Variants in OXR1 observed in about 807,000 individuals in gnomAD.
OXR1 encodes the protein oxidation resistance protein 1.
Under a neutral mutation model 104.6 loss-of-function variants are expected in OXR1, and 41 were observed. The ratio of observed to expected loss-of-function variants is 0.39; its 90% CI spans 0.31 to 0.51. OXR1 has a LOEUF of 0.51. Ranked by LOEUF, OXR1 falls within the 20% of genes least tolerant of loss-of-function variation. The pLI, the probability that OXR1 is intolerant of heterozygous loss-of-function variation, is 0.77. For synonymous variants in OXR1, 348 were observed against 348.4 expected (o/e 1.00, Z 0.01); for missense variants, 955 against 1,031.9 (o/e 0.93, Z 1.02).
Position 106,559,641 on chromosome 8 carries a change from C to T in OXR1, c.220+40502C>T, listed in dbSNP as rs1318920132. The stretch of plus-strand genomic sequence containing the variant: ...TACTAGAGGCTGAGAAGTCCAAGAT[C>T]ATAGCACCAGCAGACTTGATATCTG... On this transcript the variant is annotated intron_variant, in intron 3 of 16. Transcript: ENST00000517566. Among the ~76,000 whole-genome samples the T allele has an allele frequency of 3.9e-5, 6 of 152,196 alleles. No individual in the cohort carries two copies. In the East Asian group the frequency reaches 1.2e-3, roughly 29 times the overall value.
chr8:106,682,240 A>G (rs1007793787), intron 4 of OXR1, among the ~76,000 whole-genome samples: 27 of 130,776 alleles, frequency 2.1e-4, no homozygotes, highest in African/African-American at 6.8e-4. Flanking sequence ...AGTTGCACTT[A>G]TTTGTGTTTT....
At chr8:106,362,212 A>G (rs1164540331) in intron 2 of OXR1, among the ~76,000 whole-genome samples, 5 of 152,204 alleles carry the variant, frequency 3.3e-5, no homozygotes, top group Non-Finnish European at 7.3e-5. Context: ...CTTCTAGTCA[A>G]AACTTCCTGC....
intron 2 of OXR1, among the ~76,000 whole-genome samples, chr8:106,483,838 C>A (rs1038189515): frequency 6.6e-6 from 1 of 151,972 alleles, no homozygotes; most frequent in Admixed American, 6.6e-5. Context: ...CCCCAGATAA[C>A]CTTGCTGAAA....
chr8:106,707,096 A>T lies in OXR1; in HGVS notation c.1575A>T (p.Ser525=), dbSNP rs753379151. Residue 525 remains serine (S), a synonymous_variant, in exon 9 of 17, where the codon TCA becomes TCT. Transcript: ENST00000517566. The part of the protein sequence containing the change: ...KQQRENIQQV[S]QKEAKHKITS... Reference sequence around the variant, plus strand: ...AAAGGGAAAATATTCAACAAGTGTCACAAAAAGAAGCTAAGCATAAAATTA... The same window carrying T: ...AAAGGGAAAATATTCAACAAGTGTCTCAAAAAGAAGCTAAGCATAAAATTA... 6.2e-7 allele frequency: 1 copy of T among 1,613,994 alleles called. No individual in the cohort carries two copies. The highest frequency in any genetic ancestry group is 8.5e-7 in the Non-Finnish European group (1 of 1,179,914).
At chr8:106,355,314 A>G (rs1815917148) in intron 1 of OXR1, among the ~76,000 whole-genome samples, 1 of 152,156 alleles carries the variant, frequency 6.6e-6, no homozygotes, top group Admixed American at 6.5e-5. Flanking sequence ...ATTATGAATC[A>G]CCAAAATGAA....
At chr8:106,684,100 T>A (rs1828455230) in intron 5 of OXR1, 146 bp from the exon 6 acceptor site, 3 of 539,860 alleles carry the variant, frequency 5.6e-6, no homozygotes, top group East Asian at 3.0e-5. Flanking sequence ...GGTTCTTTTT[T>A]AAAAATGTTT....
At chr8:106,584,058 C>G (rs58179764) in intron 3 of OXR1, among the ~76,000 whole-genome samples, 1 of 151,722 alleles carries the variant, frequency 6.6e-6, no homozygotes, top group Non-Finnish European at 1.5e-5. Flanking sequence ...TTAGCATTCT[C>G]AAAAGGATAA....
intron 2 of OXR1, among the ~76,000 whole-genome samples, chr8:106,422,046 G>T (rs890734255): frequency 3.3e-5 from 5 of 152,060 alleles, no homozygotes; most frequent in African/African-American, 1.2e-4. Context: ...TTTTAAGGGG[G>T]TTCATTATCA....
Position 106,298,328 on chromosome 8 carries a change from T to G in OXR1, c.-139+27961T>G, listed in dbSNP as rs1232919948. Among the ~76,000 whole-genome samples, 4 of 152,274 alleles carry G rather than the reference T, an allele frequency of 2.6e-5. No homozygotes were observed. In the South Asian group the frequency reaches 8.3e-4, roughly 32 times the overall value. On this transcript the variant is annotated intron_variant, in intron 1 of 16. Transcript: ENST00000517566. ...AGGATGAGCAAAGGCACATCTTACA[T>G]GGAGGCAGGCAAGAGAACGTGTGCC...
chr8:106,373,307 C>T (rs948537411), intron 2 of OXR1, among the ~76,000 whole-genome samples: 1 of 152,162 alleles, frequency 6.6e-6, no homozygotes, highest in Non-Finnish European at 1.5e-5. Context: ...AATCCCCTCC[C>T]TTTCCCATAA....
At chr8:106,695,689 G>T (rs1829949902) in intron 7 of OXR1, among the ~76,000 whole-genome samples, 1 of 151,976 alleles carries the variant, frequency 6.6e-6, no homozygotes, top group Non-Finnish European at 1.5e-5. Context: ...AAGTGCTGGG[G>T]TTACAGGCGT....
intron 11 of OXR1, among the ~76,000 whole-genome samples, chr8:106,715,665 G>A (rs1302383837): frequency 6.6e-6 from 1 of 152,060 alleles, no homozygotes; most frequent in Admixed American, 6.6e-5. Flanking sequence ...GTTATCTCCA[G>A]CTTGGGTGGC....
At position 106,692,943 on chromosome 8, in the gene OXR1, T is replaced by G. The variant is rs961877430; in HGVS notation, c.675+66T>G. ...TAGTTATTACTAATGTATGATAGTT[T>G]GGCATTTACATTTTAAGTCATCAAT... On this transcript the variant is annotated intron_variant, in intron 7 of 16. Transcript: ENST00000517566. 8.6e-6 allele frequency: 10 copies of G among 1,156,998 alleles called. No individual in the cohort carries two copies. In the African/African-American group the frequency reaches 1.4e-4, roughly 16 times the overall value. 71.7% of individuals were successfully genotyped at this position (1,156,998 alleles called of 1,614,324 possible).
chr8:106,384,079 C>T (rs1817269166), intron 2 of OXR1, among the ~76,000 whole-genome samples: 1 of 152,112 alleles, frequency 6.6e-6, no homozygotes, highest in Non-Finnish European at 1.5e-5. Flanking sequence ...GTAGGGGGCT[C>T]ATTTCTAACC....
At chr8:106,429,041 C>T (rs1267851569) in intron 2 of OXR1, among the ~76,000 whole-genome samples, 1 of 152,122 alleles carries the variant, frequency 6.6e-6, no homozygotes, top group South Asian at 2.1e-4. Context: ...TTATCTAAAA[C>T]CTCAACTGCT....
chr8:106,481,690 G>A (rs940063377), intron 2 of OXR1, among the ~76,000 whole-genome samples: 1 of 151,986 alleles, frequency 6.6e-6, no homozygotes, highest in Non-Finnish European at 1.5e-5. Flanking sequence ...ACTCAATTTT[G>A]CCACCTGTTA....
intron 7 of OXR1, chr8:106,697,804 T>C: frequency 6.2e-7 from 1 of 1,612,294 alleles, no homozygotes. Flanking sequence ...CCCCTTGGGG[T>C]ACAGTGCATT....
At chr8:106,500,157 A>G (rs1811692032) in intron 2 of OXR1, among the ~76,000 whole-genome samples, 1 of 152,224 alleles carries the variant, frequency 6.6e-6, no homozygotes, top group African/African-American at 2.4e-5. Flanking sequence ...GTCATCAAGG[A>G]GAAATATAGC....
At chr8:106,510,922 A>G (rs1812481845) in intron 2 of OXR1, among the ~76,000 whole-genome samples, 1 of 152,220 alleles carries the variant, frequency 6.6e-6, no homozygotes. Flanking sequence ...CTTCTGTTGA[A>G]GCATTTTTGC....
Sources: allele counts gnomAD v4.1 joint callset (sites outside exome capture counted in the v4.1 genomes callset), GRCh38; gene constraint gnomAD v4.1.1; transcripts MANE v1.5; gene names NCBI Gene and HGNC (gene_info 2026-07-23, HGNC 2026-07-21).